The following FBXL7 variants were observed in gnomAD, a reference collection of about 807,000 sequenced individuals.
The protein encoded by FBXL7 is F-box/LRR-repeat protein 7.
Under a neutral mutation model 38.3 loss-of-function variants are expected in FBXL7, and 12 were observed. The ratio of observed to expected loss-of-function variants is 0.31; its 90% CI spans 0.20 to 0.51. The LOEUF (loss-of-function observed/expected upper bound fraction) is 0.51, where lower values mean the gene tolerates loss of function less well. FBXL7 is among the 20% of genes least tolerant of loss of function. The pLI, the probability that FBXL7 is intolerant of heterozygous loss-of-function variation, is 0.98. For synonymous variants in FBXL7, 297 were observed against 300.9 expected (o/e 0.99, Z 0.13); for missense variants, 567 against 676.4 (o/e 0.84, Z 1.79).
At chr5:15,742,490 T>A (rs4293917) in intron 2 of FBXL7, among the ~76,000 whole-genome samples, 8 of 152,086 alleles carry the variant, frequency 5.3e-5, no homozygotes, top group East Asian at 3.9e-4. Flanking sequence ...AGTGTAGGCA[T>A]GTGGTAGGCA....
chr5:15,693,520 C>T (rs1038289898), intron 2 of FBXL7, among the ~76,000 whole-genome samples: 1 of 152,154 alleles, frequency 6.6e-6, no homozygotes, highest in Admixed American at 6.5e-5. Context: ...GCAAGGGCTC[C>T]ACCCTCAGGC....
chr5:15,628,007 C>G (rs997013707), intron 2 of FBXL7, among the ~76,000 whole-genome samples: 1 of 152,094 alleles, frequency 6.6e-6, no homozygotes, highest in South Asian at 2.1e-4. Flanking sequence ...AAAGTCCACA[C>G]TGTGGAGGGA....
chr5:15,627,790 C>T (rs775577474), intron 2 of FBXL7, among the ~76,000 whole-genome samples: 3 of 152,114 alleles, frequency 2.0e-5, no homozygotes, highest in Admixed American at 6.6e-5. Flanking sequence ...TTTACAGTCA[C>T]GGACACAGTT....
At chr5:15,573,905 G>T (rs1738874115) in intron 1 of FBXL7, among the ~76,000 whole-genome samples, 1 of 152,108 alleles carries the variant, frequency 6.6e-6, no homozygotes, top group Non-Finnish European at 1.5e-5. Flanking sequence ...AAACAAAAAA[G>T]GTAATAGCTG....
At chr5:15,568,343 A>G (rs1166005791) in intron 1 of FBXL7, among the ~76,000 whole-genome samples, 1 of 152,206 alleles carries the variant, frequency 6.6e-6, no homozygotes, top group African/African-American at 2.4e-5. Context: ...TTCTCTGGCC[A>G]GTGATGATGA....
intron 1 of FBXL7, among the ~76,000 whole-genome samples, chr5:15,584,638 C>A (rs1157283247): frequency 2.0e-5 from 3 of 152,194 alleles, no homozygotes; most frequent in Non-Finnish European, 4.4e-5. Context: ...CTTTCTCTTT[C>A]TGGGCTCTCC....
At position 15,936,442 on chromosome 5, in the gene FBXL7, T is replaced by C; in HGVS notation, c.740-8T>C. 6.2e-7 allele frequency: 1 copy of C among 1,609,758 alleles called. No individual in the cohort carries two copies. Among genetic ancestry groups the C allele is most frequent in the Non-Finnish European group, 8.5e-7 (1 of 1,178,246 alleles). ...TGCTCTGAGCCTGTGTTCTGTCTCT[T>C]TGTGCAGGATGCTCCAAAGTGACCT... On this transcript the variant is annotated splice_polypyrimidine_tract_variant and splice_region_variant and intron_variant, in intron 3 of 3. Transcript: ENST00000504595. This position sits in a 1 kb window ranked among gnomAD's most constrained non-coding sequence, Gnocchi z 6.0.
chr5:15,806,018 C>G (rs1737702534), intron 2 of FBXL7, among the ~76,000 whole-genome samples: 1 of 152,138 alleles, frequency 6.6e-6, no homozygotes, highest in Non-Finnish European at 1.5e-5. Context: ...ACCTCATAAT[C>G]ACAGAATAAA....
chr5:15,822,249 C>T (rs904033533), intron 2 of FBXL7, among the ~76,000 whole-genome samples: 15 of 151,692 alleles, frequency 9.9e-5, no homozygotes, highest in Admixed American at 6.6e-5. Flanking sequence ...ATAGTCCCAG[C>T]TACACAGGAG....
chr5:15,568,370 C>G (rs1738656714), intron 1 of FBXL7, among the ~76,000 whole-genome samples: 1 of 152,064 alleles, frequency 6.6e-6, no homozygotes, highest in Non-Finnish European at 1.5e-5. Context: ...TTTCATGTGT[C>G]TTTTGGCTGC....
chr5:15,919,585 TG>T (rs1429828677), intron 2 of FBXL7, among the ~76,000 whole-genome samples: 4 of 152,218 alleles, frequency 2.6e-5, no homozygotes, highest in African/African-American at 9.6e-5. Context: ...AAGAATCCTC[TG>T]TCTCTTAGTT....
chr5:15,817,591 G>T (rs924484070), intron 2 of FBXL7, among the ~76,000 whole-genome samples: 1 of 152,116 alleles, frequency 6.6e-6, no homozygotes, highest in Admixed American at 6.6e-5. Context: ...GTCCCAGTGG[G>T]GGGTAATTGA....
At chr5:15,567,364 G>T (rs1037229789) in intron 1 of FBXL7, among the ~76,000 whole-genome samples, 9 of 151,988 alleles carry the variant, frequency 5.9e-5, no homozygotes, top group Non-Finnish European at 1.0e-4. Context: ...AATATAAAAA[G>T]ATATTTGTTT....
chr5:15,510,640 A>ATT (rs112618943), intron 1 of FBXL7, among the ~76,000 whole-genome samples: 15 of 152,224 alleles, frequency 9.9e-5, no homozygotes, highest in African/African-American at 3.6e-4. Context: ...ATTGCCCTCT[A>ATT]ATGTAAAAAG....
At chr5:15,644,176 A>G (rs966115184) in intron 2 of FBXL7, among the ~76,000 whole-genome samples, 1 of 151,850 alleles carries the variant, frequency 6.6e-6, no homozygotes, top group African/African-American at 2.4e-5. Context: ...AATGATAATG[A>G]CGCCAGGCGC....
chr5:15,684,667 G>A (rs1386809438), intron 2 of FBXL7, among the ~76,000 whole-genome samples: 1 of 152,180 alleles, frequency 6.6e-6, no homozygotes, highest in Non-Finnish European at 1.5e-5. Flanking sequence ...GTCAGAGTCA[G>A]AATCCAAGAA....
At chr5:15,918,264 T>C (rs1384307634) in intron 2 of FBXL7, among the ~76,000 whole-genome samples, 1 of 151,856 alleles carries the variant, frequency 6.6e-6, no homozygotes, top group East Asian at 1.9e-4. Flanking sequence ...AAGAATAAAG[T>C]CCTTCTGCGA....
intron 1 of FBXL7, among the ~76,000 whole-genome samples, chr5:15,608,342 G>C (rs1580402120): frequency 6.6e-6 from 1 of 152,038 alleles, no homozygotes; most frequent in East Asian, 1.9e-4. Context: ...GCTGTCTTTT[G>C]TTTGCGTGTG....
chr5:15,719,123 T>C (rs1161278623), intron 2 of FBXL7, among the ~76,000 whole-genome samples: 2 of 152,198 alleles, frequency 1.3e-5, no homozygotes, highest in Admixed American at 1.3e-4. Context: ...CTCCAGGGGA[T>C]AGCAAAAGGT....
Sources: allele counts gnomAD v4.1 joint callset (sites outside exome capture counted in the v4.1 genomes callset), GRCh38; gene constraint gnomAD v4.1.1; non-coding constraint Gnocchi (gnomAD v3.1); transcripts MANE v1.5; gene names NCBI Gene and HGNC (gene_info 2026-07-23, HGNC 2026-07-21).